Variants in KCNMA1 observed in about 807,000 individuals in gnomAD.
KCNMA1 encodes the protein potassium calcium-activated channel subfamily M alpha 1.
A neutral mutation model predicts 140.0 loss-of-function variants in KCNMA1; 29 were observed. The observed-to-expected ratio is 0.21, with a 90% CI of 0.15 to 0.28. KCNMA1 has a LOEUF of 0.28. Among genes scored for constraint, KCNMA1 ranks in the 10% least tolerant of loss-of-function variants. The pLI, the probability that KCNMA1 is intolerant of heterozygous loss-of-function variation, is 1.00. For missense variants in KCNMA1, 880 were observed against 1,602.2 expected, an observed-to-expected ratio of 0.55 and a Z score of 7.70; for synonymous variants, 612 against 611.9, an observed-to-expected ratio of 1.00 and a Z score of 0.00.
At chr10:77,368,504 C>A (rs1264953645) in intron 2 of KCNMA1, among the ~76,000 whole-genome samples, 1 of 152,154 alleles carries the variant, frequency 6.6e-6, no homozygotes, top group Non-Finnish European at 1.5e-5. Context: ...TCTTTTCATT[C>A]TCATAATAGT....
intron 1 of KCNMA1, among the ~76,000 whole-genome samples, chr10:77,630,345 C>G (rs924607951): frequency 6.6e-6 from 1 of 152,120 alleles, no homozygotes; most frequent in Admixed American, 6.5e-5. Context: ...GCAGAATGAC[C>G]AACTGGCACG....
intron 1 of KCNMA1, among the ~76,000 whole-genome samples, chr10:77,496,709 C>T (rs2154543779): frequency 6.6e-6 from 1 of 150,742 alleles, no homozygotes; most frequent in Middle Eastern, 3.5e-3. Context: ...CTCAACATCA[C>T]TGTGAGGGAG....
chr10:77,398,943 A>G (rs2096166811), intron 2 of KCNMA1, among the ~76,000 whole-genome samples: 1 of 152,234 alleles, frequency 6.6e-6, no homozygotes, highest in African/African-American at 2.4e-5. Context: ...TGTATGGAAC[A>G]CATAACTGCA....
chr10:77,637,588 C>CGCCGCCGCCGCCGCCGCCGCTGCT lies in KCNMA1; in HGVS notation c.31_54dup (p.Ser11_Gly18dup). On this transcript the variant is annotated inframe_insertion, in exon 1 of 28. Coordinates refer to ENST00000286628, the MANE Select transcript of KCNMA1 (RefSeq NM_001161352.2). ...CTACTCATTCTAAGACTGCTGCCTC[C>CGCCGCCGCCGCCGCCGCCGCTGCT]GCCGCCGCCGCCGCCGCCGCTGCTG... 1.4e-6 allele frequency: 2 copies of CGCCGCCGCCGCCGCCGCCGCTGCT among 1,464,662 alleles called. No individual in the cohort carries two copies. The highest frequency in any genetic ancestry group is 1.8e-6 in the Non-Finnish European group (2 of 1,096,926). 90.7% of individuals were successfully genotyped at this position (1,464,662 alleles called of 1,614,324 possible). A position where few individuals can be genotyped will look rare whatever the true frequency, so the allele number is the denominator to read the frequency against.
chr10:76,950,560 T>C (rs767896331), intron 21 of KCNMA1, among the ~76,000 whole-genome samples: 20 of 152,214 alleles, frequency 1.3e-4, no homozygotes, highest in Admixed American at 3.9e-4. Context: ...ATGCCTCCCA[T>C]TCCTGTCCAC....
chr10:76,938,026 CT>C (rs1411540353), intron 23 of KCNMA1, among the ~76,000 whole-genome samples: 1 of 152,046 alleles, frequency 6.6e-6, no homozygotes, highest in Admixed American at 6.6e-5. Flanking sequence ...CCTCCCTCCC[CT>C]GGGACATTCG....
At chr10:77,276,367 G>A (rs1479719283) in intron 2 of KCNMA1, among the ~76,000 whole-genome samples, 2 of 152,188 alleles carry the variant, frequency 1.3e-5, no homozygotes, top group East Asian at 3.9e-4. Context: ...GCCAGTTCAG[G>A]AATAACTGCC....
intron 1 of KCNMA1, among the ~76,000 whole-genome samples, chr10:77,567,841 C>T (rs2068947027): frequency 2.6e-5 from 4 of 152,162 alleles, no homozygotes; most frequent in Admixed American, 2.0e-4. Flanking sequence ...CCTATAATCC[C>T]AGCACTTTGG....
intron 18 of KCNMA1, 131 bp from the exon 19 acceptor site, chr10:77,001,711 C>CAAAAAAA: frequency 2.9e-6 from 2 of 698,628 alleles, no homozygotes; most frequent in Admixed American, 3.0e-5. Context: ...AGTCTTGACC[C>CAAAAAAA]AGAAAAAAAT....
chr10:76,910,249 G>T, intron 24 of KCNMA1, 153 bp from the exon 25 acceptor site: 1 of 783,746 alleles, frequency 1.3e-6, no homozygotes, highest in Non-Finnish European at 2.1e-6. Flanking sequence ...GGGTAAGGGG[G>T]GCAGTGGGAC....
chr10:77,564,896 G>A (rs530541681), intron 1 of KCNMA1, among the ~76,000 whole-genome samples: 15 of 152,320 alleles, frequency 9.8e-5, no homozygotes, highest in African/African-American at 3.1e-4. Context: ...GAGTTCAGAG[G>A]AGTCAGTGAC....
At chr10:77,382,960 G>C (rs1159241151) in intron 2 of KCNMA1, among the ~76,000 whole-genome samples, 3 of 51,040 alleles carry the variant, frequency 5.9e-5, no homozygotes, top group African/African-American at 1.1e-4. Context: ...ATATATATAC[G>C]TGTGTGTGTG....
At chr10:77,388,637 T>C (rs975585515) in intron 2 of KCNMA1, among the ~76,000 whole-genome samples, 1 of 152,248 alleles carries the variant, frequency 6.6e-6, no homozygotes, top group Non-Finnish European at 1.5e-5. Flanking sequence ...CTCTAAAATA[T>C]ACCACCTATG....
At chr10:76,971,974 G>GGT (rs57558756) in intron 19 of KCNMA1, among the ~76,000 whole-genome samples, 2,607 of 148,838 alleles carry the variant, frequency 0.018, 36 homozygotes, top group African/African-American at 0.036. Context: ...AGGGTGTGTG[G>GGT]GTGTGTGTGT....
chr10:77,003,550 T>C (rs935836198), intron 18 of KCNMA1, among the ~76,000 whole-genome samples: 1 of 152,254 alleles, frequency 6.6e-6, no homozygotes, highest in Non-Finnish European at 1.5e-5. Flanking sequence ...AATATTGATT[T>C]GTTATTTACA....
chr10:76,974,418 G>A (rs538104392), intron 19 of KCNMA1: 1 of 932,730 alleles, frequency 1.1e-6, no homozygotes, highest in South Asian at 1.5e-5. Context: ...AGCTCAGCAT[G>A]GTAAAGTAGA....
At chr10:77,084,802 C>T in intron 11 of KCNMA1, 83 bp from the exon 12 acceptor site, 1 of 925,264 alleles carries the variant, frequency 1.1e-6, no homozygotes, top group South Asian at 1.3e-5. Flanking sequence ...TTGACAGCTT[C>T]TTGGGGAAGC....
rs150438858 is a variant in KCNMA1 at position 77,528,466 on chromosome 10, C to T, written c.378+108799G>A. On this transcript the variant is annotated intron_variant, in intron 1 of 27. Coordinates refer to ENST00000286628, the MANE Select transcript of KCNMA1 (RefSeq NM_001161352.2). Reference sequence around the variant, plus strand: ...TCTACTAAAAATACAAAAAATTAGCCGGGTGTGATGGCGGATACCTGTAAT... The same window carrying T: ...TCTACTAAAAATACAAAAAATTAGCTGGGTGTGATGGCGGATACCTGTAAT... Among the ~76,000 whole-genome samples the T allele has an allele frequency of 5.5e-4, 83 of 151,920 alleles. 3 individuals are homozygous for T. The East Asian group carries it at 9.7e-3, about 18-fold the overall frequency.
intron 25 of KCNMA1, chr10:76,903,605 T>A (rs2046511203): frequency 6.6e-6 from 1 of 152,254 alleles, no homozygotes. Flanking sequence ...GTGCCCTCTG[T>A]CTCCGTGTGA....
Sources: gnomAD v4.1 joint callset for allele counts (sites outside exome capture counted in the v4.1 genomes callset) on GRCh38, gnomAD v4.1.1 for gene constraint, MANE v1.5 for transcripts, NCBI Gene and HGNC (gene_info 2026-07-23, HGNC 2026-07-21) for gene names.